Variants in IL1RAPL1 observed in about 807,000 individuals in gnomAD.
The protein encoded by IL1RAPL1 is interleukin-1 receptor accessory protein-like 1.
In IL1RAPL1, 3 loss-of-function variants were observed where a neutral mutation model predicts 48.4. The observed-to-expected ratio is 0.06, with a 90% CI of 0.03 to 0.16. The LOEUF (loss-of-function observed/expected upper bound fraction) is 0.16, where lower values mean the gene tolerates loss of function less well. Ranked by LOEUF, IL1RAPL1 falls within the 10% of genes least tolerant of loss-of-function variation. IL1RAPL1 has a pLI of 1.00. For missense variants in IL1RAPL1, 349 were observed against 530.6 expected (o/e 0.66, Z 3.36); for synonymous variants, 185 against 187.7 (o/e 0.99, Z 0.12).
chrX:29,314,678 T>TA (rs1932761812), intron 3 of IL1RAPL1, among the ~76,000 whole-genome samples: 1 of 112,517 alleles, frequency 8.9e-6, no homozygotes. Flanking sequence ...CAGTGGCACC[T>TA]TTTTCTTTTG....
chrX:29,047,576 C>A (rs963956944), intron 2 of IL1RAPL1, among the ~76,000 whole-genome samples: 1 of 111,989 alleles, frequency 8.9e-6, no homozygotes, highest in African/African-American at 3.2e-5. Context: ...AAGTCTCTGA[C>A]TGGAAAGGAT....
In IL1RAPL1 at chrX:29,460,391, C is replaced by A. The variant is rs1384128533; in HGVS notation, c.703+61083C>A. On this transcript the variant is annotated intron_variant, in intron 5 of 10. Transcript: ENST00000378993. ...TTTGCTGGGCGGCATTGTGCCGACC[C>A]ATCATATTGATCTGTAACGTTTAGC... Among the ~76,000 whole-genome samples the A allele has an allele frequency of 4.5e-5, 5 of 112,094 alleles. No homozygotes were observed. In the South Asian group the frequency reaches 1.9e-3, roughly 42 times the overall value.
intron 3 of IL1RAPL1, among the ~76,000 whole-genome samples, chrX:29,305,923 T>C (rs1462690027): frequency 8.9e-6 from 1 of 112,290 alleles, no homozygotes; most frequent in African/African-American, 3.2e-5. Context: ...AGTAGAAGTG[T>C]ATGTATATGA....
chrX:29,274,866 CCTT>C (rs755656998), intron 2 of IL1RAPL1, among the ~76,000 whole-genome samples: 33 of 111,007 alleles, frequency 3.0e-4, no homozygotes, highest in Non-Finnish European at 5.7e-4. Flanking sequence ...ATCCTAGACT[CCTT>C]CTCCTCCTTC....
chrX:29,516,016 A>T (rs1935441986), intron 5 of IL1RAPL1, among the ~76,000 whole-genome samples: 1 of 111,875 alleles, frequency 8.9e-6, no homozygotes, highest in African/African-American at 3.2e-5. Flanking sequence ...CAAAGGTGAT[A>T]TGATGCCCTC....
chrX:29,370,346 T>G (rs992986782), intron 3 of IL1RAPL1, among the ~76,000 whole-genome samples: 16 of 110,583 alleles, frequency 1.4e-4, no homozygotes, highest in Non-Finnish European at 1.3e-4. Flanking sequence ...AAGTATTTTT[T>G]TTATTGTTAA....
intron 1 of IL1RAPL1, among the ~76,000 whole-genome samples, chrX:28,659,766 G>T (rs1346893482): frequency 9.2e-6 from 1 of 108,934 alleles, no homozygotes; most frequent in Non-Finnish European, 1.9e-5. Flanking sequence ...AAAATGAAGA[G>T]ATTAATCTTT....
chrX:29,100,519 C>T (rs1440350671), intron 2 of IL1RAPL1, among the ~76,000 whole-genome samples: 1 of 111,674 alleles, frequency 9.0e-6, no homozygotes, highest in Non-Finnish European at 1.9e-5. Flanking sequence ...AAAGTCTACT[C>T]CTGTGGTAGA....
chrX:28,817,935 C>T (rs775357583), intron 2 of IL1RAPL1, among the ~76,000 whole-genome samples: 11 of 110,834 alleles, frequency 9.9e-5, no homozygotes, highest in African/African-American at 3.6e-4. Flanking sequence ...TAAATGGTGA[C>T]AGGATTGTGA....
intron 2 of IL1RAPL1, among the ~76,000 whole-genome samples, chrX:29,144,400 C>G (rs188085316): frequency 1.9e-5 from 2 of 108,093 alleles, no homozygotes; most frequent in East Asian, 5.9e-4. Flanking sequence ...GTCAGGAGTT[C>G]GAGACCAACC....
chrX:29,014,573 A>G (rs1926198352), intron 2 of IL1RAPL1, among the ~76,000 whole-genome samples: 1 of 111,692 alleles, frequency 9.0e-6, no homozygotes, highest in African/African-American at 3.3e-5. Context: ...GTTTATGTGT[A>G]TAATTACAGG....
chrX:28,754,733 A>G (rs1277694471), intron 1 of IL1RAPL1, among the ~76,000 whole-genome samples: 1 of 112,182 alleles, frequency 8.9e-6, no homozygotes, highest in Non-Finnish European at 1.9e-5. Flanking sequence ...TATTGTGACC[A>G]CGGATAACTT....
intron 2 of IL1RAPL1, among the ~76,000 whole-genome samples, chrX:29,252,393 A>G (rs1359883783): frequency 6.1e-5 from 7 of 114,116 alleles, no homozygotes; most frequent in African/African-American, 2.2e-4. Context: ...TCAGTTTCCT[A>G]GTGGCCAGGG....
chrX:29,609,513 G>T (rs1395155055), intron 5 of IL1RAPL1, among the ~76,000 whole-genome samples: 1 of 111,394 alleles, frequency 9.0e-6, no homozygotes, highest in Non-Finnish European at 1.9e-5. Context: ...TGTGTGTCTT[G>T]GCTCAAGTAC....
At chrX:28,873,523 C>CTTTTTTTTTTTTTTTTTTTT (rs10554661) in intron 2 of IL1RAPL1, among the ~76,000 whole-genome samples, 3 of 56,679 alleles carry the variant, frequency 5.3e-5, no homozygotes, top group African/African-American at 2.4e-4. Flanking sequence ...TTCTTTCTTT[C>CTTTTTTTTTTTTTTTTTTTT]TTTTTTTTTT....
intron 1 of IL1RAPL1, among the ~76,000 whole-genome samples, chrX:28,594,562 A>C (rs1317587136): frequency 9.0e-6 from 1 of 111,676 alleles, no homozygotes; most frequent in Non-Finnish European, 1.9e-5. Context: ...AATGAAGTGA[A>C]GTTTCCAAGA....
chrX:28,686,541 A>G (rs1935113343), intron 1 of IL1RAPL1, among the ~76,000 whole-genome samples: 1 of 111,905 alleles, frequency 8.9e-6, no homozygotes, highest in South Asian at 3.7e-4. Flanking sequence ...GTCTCAGATG[A>G]CACCCATATA....
At chrX:28,818,617 A>G (rs1416269714) in intron 2 of IL1RAPL1, among the ~76,000 whole-genome samples, 1 of 110,826 alleles carries the variant, frequency 9.0e-6, no homozygotes, top group Non-Finnish European at 1.9e-5. Context: ...AAATTTCTGA[A>G]GTCCTGGTTG....
chrX:29,750,845 T>C (rs1188906983), intron 6 of IL1RAPL1, among the ~76,000 whole-genome samples: 4 of 110,885 alleles, frequency 3.6e-5, no homozygotes, highest in African/African-American at 1.3e-4. Context: ...GAACGAAACA[T>C]ATGTGCCTGC....
Sources: allele counts gnomAD v4.1 joint callset (sites outside exome capture counted in the v4.1 genomes callset), GRCh38; gene constraint gnomAD v4.1.1; transcripts MANE v1.5; gene names NCBI Gene and HGNC (gene_info 2026-07-23, HGNC 2026-07-21).